ADAM9: variants seen among roughly 807,000 people sequenced by gnomAD.
The protein encoded by ADAM9 is disintegrin and metalloproteinase domain-containing protein 9.
In ADAM9, 54 loss-of-function variants were observed where a neutral mutation model predicts 108.1. That is an observed-to-expected ratio of 0.50 (90% CI 0.40 to 0.63). The LOEUF is 0.63. Ranked by LOEUF, ADAM9 falls within the 20% of genes least tolerant of loss-of-function variation. ADAM9 has a pLI of 0.00. For missense variants in ADAM9, 830 were observed against 997.7 expected (o/e 0.83, Z 2.26); for synonymous variants, 316 against 336.0 (o/e 0.94, Z 0.65).
chr8:39,035,238 T>C (rs1022758703), intron 11 of ADAM9, among the ~76,000 whole-genome samples: 2 of 152,246 alleles, frequency 1.3e-5, no homozygotes, highest in African/African-American at 2.4e-5. Context: ...ATCCATTGAA[T>C]TATTAATTTT....
chr8:39,100,698 C>T (rs934309168), intron 20 of ADAM9, among the ~76,000 whole-genome samples: 8 of 152,110 alleles, frequency 5.3e-5, no homozygotes, highest in Admixed American at 5.2e-4. Context: ...TGATAGACCA[C>T]CTGTTCTATG....
intron 15 of ADAM9, among the ~76,000 whole-genome samples, chr8:39,075,303 G>A (rs1350640657): frequency 1.3e-5 from 2 of 152,168 alleles, no homozygotes; most frequent in Non-Finnish European, 2.9e-5. Context: ...GTGCTGGGTA[G>A]TCTTATTAAT....
intron 12 of ADAM9, among the ~76,000 whole-genome samples, chr8:39,043,136 ATATG>A (rs1414136310): frequency 6.6e-6 from 1 of 152,066 alleles, no homozygotes; most frequent in South Asian, 2.1e-4. Flanking sequence ...GTATGTGTGT[ATATG>A]TATGTATGTA....
At chr8:39,046,982 T>C (rs774464475) in intron 12 of ADAM9, among the ~76,000 whole-genome samples, 5 of 152,182 alleles carry the variant, frequency 3.3e-5, no homozygotes, top group Admixed American at 2.0e-4. Context: ...TTGCCTAGAC[T>C]GGTCTCGAAC....
intron 1 of ADAM9, among the ~76,000 whole-genome samples, chr8:39,005,914 A>C (rs1483997950): frequency 6.6e-6 from 1 of 152,230 alleles, no homozygotes; most frequent in Non-Finnish European, 1.5e-5. Flanking sequence ...TTTGTTCCAT[A>C]AGGAATCTCA....
rs532130190 is a variant in ADAM9 at position 39,097,153 on chromosome 8, G to A, written c.2299-4710G>A. Among the ~76,000 whole-genome samples the A allele has an allele frequency of 3.3e-5, 5 of 152,186 alleles. No individual in the cohort carries two copies. In the South Asian group the frequency reaches 8.3e-4, roughly 25 times the overall value. On this transcript the variant is annotated intron_variant, in intron 20 of 21. Coordinates refer to ENST00000487273, the MANE Select transcript of ADAM9 (RefSeq NM_003816.3). Reference sequence around the variant, plus strand: ...CTTGTTTTGTACAAGGAGGACTTACGCTACTCAGCCTGGCTAGAGATTCTG... The same window carrying A: ...CTTGTTTTGTACAAGGAGGACTTACACTACTCAGCCTGGCTAGAGATTCTG...
intron 11 of ADAM9, among the ~76,000 whole-genome samples, chr8:39,039,435 G>A (rs1350766058): frequency 6.6e-6 from 1 of 152,016 alleles, no homozygotes; most frequent in African/African-American, 2.4e-5. Context: ...ATCTCTTTTA[G>A]CAAAAATCTT....
intron 3 of ADAM9, among the ~76,000 whole-genome samples, chr8:39,012,726 C>G (rs1176940119): frequency 6.6e-6 from 1 of 152,056 alleles, no homozygotes; most frequent in Non-Finnish European, 1.5e-5. Context: ...TGTTCTCACT[C>G]ATAGGTGGGA....
chr8:39,083,019 A>G lies in ADAM9; in HGVS notation c.2014A>G (p.Asn672Asp), dbSNP rs757409679. 1.4e-5 allele frequency: 22 copies of G among 1,613,868 alleles called. No homozygotes were observed. The highest frequency in any genetic ancestry group is 1.8e-5 in the Non-Finnish European group (21 of 1,179,868). ...CTGTGAAAATGGCTGGGCTCCCCCAAATTGTGAGACTAAAGGATACGGAGG... is the reference window on the plus strand; with the variant it reads ...CTGTGAAAATGGCTGGGCTCCCCCAGATTGTGAGACTAAAGGATACGGAGG... ...CHCENGWAPPNCETKGYGGSV... is the reference protein window; with the variant it reads ...CHCENGWAPPDCETKGYGGSV... Residue 672 changes from asparagine to aspartate, a missense_variant, in exon 18 of 22, where the codon AAT becomes GAT. By Grantham distance (23) the Asn-to-Asp change is conservative (BLOSUM62 1). Coordinates refer to ENST00000487273, the MANE Select transcript of ADAM9 (RefSeq NM_003816.3).
At chr8:39,073,927 A>T (rs548463784) in intron 15 of ADAM9, among the ~76,000 whole-genome samples, 1 of 152,290 alleles carries the variant, frequency 6.6e-6, no homozygotes, top group East Asian at 1.9e-4. Context: ...ATCACTTAAC[A>T]TCTCTGAGTC....
intron 18 of ADAM9, among the ~76,000 whole-genome samples, chr8:39,084,881 G>T (rs920622110): frequency 5.3e-5 from 8 of 151,808 alleles, no homozygotes; most frequent in Non-Finnish European, 8.8e-5. Context: ...TCTGTTATTA[G>T]GTACATAAAC....
chr8:39,090,657 G>A (rs1839323729), intron 19 of ADAM9, among the ~76,000 whole-genome samples: 1 of 152,180 alleles, frequency 6.6e-6, no homozygotes, highest in Non-Finnish European at 1.5e-5. Context: ...CCTTTAGGCT[G>A]CTGAAAGTGA....
At chr8:39,021,579 C>T (rs1040022895) in intron 7 of ADAM9, 64 bp from the exon 8 acceptor site, 13 of 1,451,314 alleles carry the variant, frequency 9.0e-6, no homozygotes, top group South Asian at 2.3e-5. Flanking sequence ...GTACTGCACC[C>T]GGCCTTACAT....
At chr8:39,061,211 C>G (rs1288952182) in intron 14 of ADAM9, among the ~76,000 whole-genome samples, 1 of 152,186 alleles carries the variant, frequency 6.6e-6, no homozygotes, top group East Asian at 1.9e-4. Context: ...AGAGGCAGTT[C>G]TAGTGGGTTC....
chr8:39,098,838 T>C (rs1026854445), intron 20 of ADAM9, among the ~76,000 whole-genome samples: 1 of 152,202 alleles, frequency 6.6e-6, no homozygotes, highest in African/African-American at 2.4e-5. Context: ...GAACTTTATA[T>C]TGGAAATAAA....
At chr8:39,065,643 G>A (rs974249143) in intron 14 of ADAM9, among the ~76,000 whole-genome samples, 5 of 116,920 alleles carry the variant, frequency 4.3e-5, no homozygotes, top group Non-Finnish European at 8.2e-5. Flanking sequence ...CTGGGCGACA[G>A]TGCGAGGCTA....
At chr8:39,059,596 C>T (rs1253791802) in intron 14 of ADAM9, among the ~76,000 whole-genome samples, 6 of 152,236 alleles carry the variant, frequency 3.9e-5, no homozygotes, top group Non-Finnish European at 7.3e-5. Context: ...CTGAGGCCAC[C>T]CTTTGGTGAA....
In ADAM9 at chr8:39,103,590, C is replaced by T. The variant is rs1564396748; in HGVS notation, c.2367-17C>T. On this transcript the variant is annotated splice_polypyrimidine_tract_variant and intron_variant, in intron 21 of 21. Coordinates refer to ENST00000487273, the MANE Select transcript of ADAM9 (RefSeq NM_003816.3). ...CCAGTCTAAACACTCTATTAACTAT[C>T]TCTTTTCCCCTCGCAGGCCACCTCC... 6.2e-7 allele frequency: 1 copy of T among 1,610,922 alleles called. No homozygotes were observed.
chr8:39,054,669 G>A, intron 13 of ADAM9, 96 bp downstream of exon 13: 1 of 1,083,916 alleles, frequency 9.2e-7, no homozygotes, highest in Non-Finnish European at 1.3e-6. Flanking sequence ...TTCTGAGTCA[G>A]CACTATTTTT....
Sources: allele counts gnomAD v4.1 joint callset (sites outside exome capture counted in the v4.1 genomes callset), GRCh38; gene constraint gnomAD v4.1.1; transcripts MANE v1.5; gene names NCBI Gene and HGNC (gene_info 2026-07-23, HGNC 2026-07-21).